Variants in ZNF415 observed in about 807,000 individuals in gnomAD.
ZNF415 encodes zinc finger protein 415.
In ZNF415, 5 loss-of-function variants were observed where a neutral mutation model predicts 7.3. The observed-to-expected ratio is 0.69, with a 90% confidence interval of 0.36 to 1.44. ZNF415 has a LOEUF of 1.44. Among genes scored for constraint, ZNF415 ranks in the 40% most tolerant of loss-of-function variants. ZNF415 has a pLI of 0.04. For synonymous variants in ZNF415, 207 were observed against 226.3 expected (o/e 0.91, Z 0.77); for missense variants, 628 against 664.8 (o/e 0.94, Z 0.61).
intron 3 of ZNF415, among the ~76,000 whole-genome samples, chr19:53,113,158 T>C (rs1443449754): frequency 4.0e-5 from 6 of 150,680 alleles, no homozygotes; most frequent in Non-Finnish European, 2.9e-5. Context: ...TTATACCACA[T>C]GTAAATGTAC....
chr19:53,123,839 C>T (rs1418114429), intron 1 of ZNF415: 7 of 347,014 alleles, frequency 2.0e-5, no homozygotes, highest in African/African-American at 6.4e-5. Flanking sequence ...TACATGGTCC[C>T]GCTCATCTGA....
At chr19:53,110,612 T>C (rs550542771) in intron 3 of ZNF415, among the ~76,000 whole-genome samples, 2 of 152,224 alleles carry the variant, frequency 1.3e-5, no homozygotes, top group Admixed American at 6.5e-5. Flanking sequence ...AACACTGTAG[T>C]AACCCATGAT....
chr19:53,129,049 T>G (rs1601333610), intron 1 of ZNF415, among the ~76,000 whole-genome samples: 1 of 145,812 alleles, frequency 6.9e-6, no homozygotes, highest in Non-Finnish European at 1.5e-5. Context: ...CAGATGGGGG[T>G]GGGAGGGCAC....
intron 3 of ZNF415, chr19:53,116,102 T>C: frequency 1.6e-6 from 1 of 638,772 alleles, no homozygotes. Flanking sequence ...ACTTCAGCTC[T>C]GGAACCACCA....
chr19:53,110,298 A>T (rs1286601796), intron 3 of ZNF415, among the ~76,000 whole-genome samples: 2 of 152,230 alleles, frequency 1.3e-5, no homozygotes, highest in Admixed American at 6.5e-5. Context: ...TACTGTGCCC[A>T]TATAAATGAA....
chr19:53,122,800 G>A (rs2088344279), intron 1 of ZNF415, 57 bp from the exon 2 acceptor site: 2 of 1,354,500 alleles, frequency 1.5e-6, no homozygotes, highest in Non-Finnish European at 2.1e-6. Flanking sequence ...CCCCTCTTGT[G>A]TGACAAGCAC....
At chr19:53,119,291 G>T (rs1262847767) in intron 2 of ZNF415, among the ~76,000 whole-genome samples, 3 of 149,120 alleles carry the variant, frequency 2.0e-5, no homozygotes, top group Admixed American at 2.0e-4. Flanking sequence ...CAAAAAAAAA[G>T]AAAATACAAA....
chr19:53,131,473 A>C (rs1369519017), intron 1 of ZNF415, among the ~76,000 whole-genome samples: 1 of 152,196 alleles, frequency 6.6e-6, no homozygotes, highest in Non-Finnish European at 1.5e-5. Context: ...AACAGGTCAA[A>C]AGGTAGTCAT....
intron 1 of ZNF415, among the ~76,000 whole-genome samples, chr19:53,131,420 A>G (rs1270066033): frequency 6.6e-6 from 1 of 152,156 alleles, no homozygotes; most frequent in East Asian, 1.9e-4. Context: ...GAGCTTTGCA[A>G]TTCTCATCAT....
In ZNF415 at chr19:53,110,057, C is replaced by G. The variant is rs989546811; in HGVS notation, c.137-149G>C. ...TCATGATCTTTAATTTTTACGAACA[C>G]AAAGGAATCACATTCTTTAGTAAAA... On this transcript the variant is annotated intron_variant, in intron 3 of 3. Coordinates refer to ENST00000243643, the MANE Select transcript of ZNF415 (RefSeq NM_018355.4). 9.6e-5 allele frequency: 58 copies of G among 601,046 alleles called. 1 individual carries two copies. In the Admixed American group the frequency reaches 1.2e-3, roughly 13 times the overall value. 37.2% of individuals were successfully genotyped at this position (601,046 alleles called of 1,614,324 possible).
At chr19:53,117,736 T>A (rs762068669) in intron 2 of ZNF415, among the ~76,000 whole-genome samples, 1 of 152,042 alleles carries the variant, frequency 6.6e-6, no homozygotes, top group Non-Finnish European at 1.5e-5. Context: ...GCTTAAGGGA[T>A]CCCTACATCT....
rs145949501 is a variant in ZNF415, at chr19:53,122,890, G to C, written c.-67-147C>G. 6.6e-4 allele frequency: 400 copies of C among 604,258 alleles called. 5 individuals are homozygous for C. In the African/African-American group the frequency reaches 6.9e-3, roughly 10 times the overall value. The allele number at this position is 604,258 out of a possible 1,614,324, so 37.4% of individuals were successfully genotyped here. ...TACACCAGGGTGGCCCCAGGGACAA[G>C]AAACTCCTACAGGAAAACCAATACA... On this transcript the variant is annotated intron_variant, in intron 1 of 3. Transcript: ENST00000243643.
At chr19:53,120,802 T>A (rs537102956) in intron 2 of ZNF415, among the ~76,000 whole-genome samples, 1 of 152,014 alleles carries the variant, frequency 6.6e-6, no homozygotes, top group Non-Finnish European at 1.5e-5. Context: ...GTTTAAAAAC[T>A]TGGCTGGGCG....
At chr19:53,113,574 C>A (rs909646498) in intron 3 of ZNF415, among the ~76,000 whole-genome samples, 48 of 144,680 alleles carry the variant, frequency 3.3e-4, no homozygotes, top group Non-Finnish European at 6.3e-4. Context: ...AAAGAACAAA[C>A]GAAAAAAAAC....
At position 53,119,678 on chromosome 19, in the gene ZNF415, C is replaced by A. The variant is rs904397878; in HGVS notation, c.15+2984G>T. 2.0e-5 allele frequency among the ~76,000 whole-genome samples: 3 copies of A among 151,512 alleles called. No individual in the cohort carries two copies. The South Asian group carries it at 6.2e-4, about 31-fold the overall frequency. ...TCTATAAACTACTAGCTAGATTAAT[C>A]AAAAAGAAGACCCAATAAACAAAAT... On this transcript the variant is annotated intron_variant, in intron 2 of 3. Coordinates refer to ENST00000243643, the MANE Select transcript of ZNF415 (RefSeq NM_018355.4).
chr19:53,120,013 G>A (rs889904833), intron 2 of ZNF415, among the ~76,000 whole-genome samples: 1 of 148,780 alleles, frequency 6.7e-6, no homozygotes, highest in Non-Finnish European at 1.5e-5. Flanking sequence ...TGAAACGGAG[G>A]GAATTCTCCT....
chr19:53,118,796 A>C (rs2087461415), intron 2 of ZNF415, among the ~76,000 whole-genome samples: 1 of 152,180 alleles, frequency 6.6e-6, no homozygotes, highest in African/African-American at 2.4e-5. Flanking sequence ...ATACAACAAA[A>C]GCAATGCTAA....
At chr19:53,132,001 G>C (rs886519881) in intron 1 of ZNF415, among the ~76,000 whole-genome samples, 9 of 151,938 alleles carry the variant, frequency 5.9e-5, no homozygotes, top group Non-Finnish European at 7.4e-5. Context: ...CTCTCTGTCT[G>C]AGGAGCCTCC....
Position 53,115,251 on chromosome 19 carries a change from T to C in ZNF415, c.136+1062A>G, listed in dbSNP as rs563160241. On this transcript the variant is annotated intron_variant, in intron 3 of 3. Coordinates refer to ENST00000243643, the MANE Select transcript of ZNF415 (RefSeq NM_018355.4). Reference sequence around the variant, plus strand: ...TCGGGAGGCTGAGGCAGGAGAATCATTTGAATCCGGGAGGCGAAGGTTGCA... The same window carrying C: ...TCGGGAGGCTGAGGCAGGAGAATCACTTGAATCCGGGAGGCGAAGGTTGCA... 11 of 169,620 alleles carry C rather than the reference T, an allele frequency of 6.5e-5. No individual in the cohort carries two copies. In the East Asian group the frequency reaches 6.9e-4, roughly 11 times the overall value. 10.5% of individuals were successfully genotyped at this position (169,620 alleles called of 1,614,324 possible).
Sources: allele counts gnomAD v4.1 joint callset (sites outside exome capture counted in the v4.1 genomes callset), GRCh38; gene constraint gnomAD v4.1.1; transcripts MANE v1.5; gene names NCBI Gene and HGNC (gene_info 2026-07-23, HGNC 2026-07-21).